Variants in NDUFS4 observed in about 807,000 individuals in gnomAD.
NDUFS4 encodes NADH:ubiquinone oxidoreductase subunit S4.
Under a neutral mutation model 24.3 loss-of-function variants are expected in NDUFS4, and 28 were observed. The observed-to-expected ratio is 1.15, with a 90% confidence interval of 0.85 to 1.58. The LOEUF (loss-of-function observed/expected upper bound fraction) is 1.58, where lower values mean the gene tolerates loss of function less well. Among genes scored for constraint, NDUFS4 ranks in the 40% most tolerant of loss-of-function variants. The pLI, the probability that NDUFS4 is intolerant of heterozygous loss-of-function variation, is 0.00. For synonymous variants in NDUFS4, 93 were observed against 69.7 expected, an observed-to-expected ratio of 1.34 and a Z score of -1.67; for missense variants, 223 against 207.9, an observed-to-expected ratio of 1.07 and a Z score of -0.45.
intron 4 of NDUFS4, among the ~76,000 whole-genome samples, chr5:53,663,855 G>A (rs1207269390): frequency 1.3e-5 from 2 of 152,214 alleles, no homozygotes; most frequent in Non-Finnish European, 2.9e-5. Flanking sequence ...ATTGTTATGT[G>A]TGAATTTGAC....
chr5:53,683,312 C>T lies in NDUFS4; in HGVS notation c.*91C>T, dbSNP rs1740746541. On this transcript the variant is annotated 3_prime_UTR_variant, in exon 5 of 5. Transcript: ENST00000296684. ...GTATAATAAATACATCTCTTAATCT[C>T]CTAATAAATTGGACCTTTAAACTAC... 2.1e-6 allele frequency: 2 copies of T among 935,124 alleles called. No homozygotes were observed. Among genetic ancestry groups the T allele is most frequent in the African/African-American group, 1.6e-5 (1 of 61,294 alleles). 57.9% of individuals were successfully genotyped at this position (935,124 alleles called of 1,614,324 possible). A position where few individuals can be genotyped will look rare whatever the true frequency, so the allele number is the denominator to read the frequency against.
chr5:53,682,717 T>TAA lies in NDUFS4; in HGVS notation c.425-399_425-398dup, dbSNP rs1554062346. ...CCTTTGGAAGAGTTCCAAACTCTTG[T>TAA]AAAGAAACCAACTTTTAGAATAATA... On this transcript the variant is annotated intron_variant, in intron 4 of 4. Transcript: ENST00000296684. Among the ~76,000 whole-genome samples, 6 of 152,162 alleles carry TAA rather than the reference T, an allele frequency of 3.9e-5. No homozygotes were observed. The East Asian group carries it at 1.2e-3, about 29-fold the overall frequency.
chr5:53,681,733 T>TC (rs2111611444), intron 4 of NDUFS4, among the ~76,000 whole-genome samples: 1 of 152,272 alleles, frequency 6.6e-6, no homozygotes, highest in Admixed American at 6.5e-5. Flanking sequence ...TTATTGGACT[T>TC]TCTTTGGAGA....
chr5:53,658,790 A>AAG (rs2112522232), intron 4 of NDUFS4, 166 bp downstream of exon 4: 1 of 575,156 alleles, frequency 1.7e-6, no homozygotes, highest in East Asian at 2.9e-5. Context: ...CCTCCAAAAA[A>AAG]AAAAAAAAAA....
chr5:53,609,447 C>T (rs1225116398), intron 2 of NDUFS4, among the ~76,000 whole-genome samples: 1 of 152,088 alleles, frequency 6.6e-6, no homozygotes. Flanking sequence ...TTTAGTAAAC[C>T]ATGCTGTAAA....
At chr5:53,618,741 CTG>C (rs1276688152) in intron 2 of NDUFS4, among the ~76,000 whole-genome samples, 5 of 152,184 alleles carry the variant, frequency 3.3e-5, no homozygotes, top group East Asian at 3.9e-4. Flanking sequence ...AAATTTGTAA[CTG>C]TATTACTTCA....
chr5:53,682,905 AAAT>A (rs1398968304), intron 4 of NDUFS4, among the ~76,000 whole-genome samples: 1 of 151,254 alleles, frequency 6.6e-6, no homozygotes, highest in Non-Finnish European at 1.5e-5. Flanking sequence ...GAGATATGGT[AAAT>A]AATCTGCAGG....
At chr5:53,631,272 G>T (rs924969681) in intron 2 of NDUFS4, among the ~76,000 whole-genome samples, 3 of 152,142 alleles carry the variant, frequency 2.0e-5, no homozygotes, top group African/African-American at 7.2e-5. Context: ...TCCCATAGAG[G>T]CACCTGCCAG....
chr5:53,645,221 C>A lies in NDUFS4; in HGVS notation c.178-1012C>A, dbSNP rs954472090. Among the ~76,000 whole-genome samples the A allele has an allele frequency of 6.6e-5, 10 of 152,008 alleles. No individual in the cohort carries two copies. In the East Asian group the frequency reaches 7.7e-4, roughly 12 times the overall value. On this transcript the variant is annotated intron_variant, in intron 2 of 4. Transcript: ENST00000296684. ...GCTTCATTAATAAGCATATGGTTGA[C>A]CCCAATGTGATTTACTTTGATCAGA...
rs1377509008 is a variant in NDUFS4, at chr5:53,645,455, C to T, written c.178-778C>T. Among the ~76,000 whole-genome samples, 13 of 152,252 alleles carry T rather than the reference C, an allele frequency of 8.5e-5. No homozygotes were observed. The East Asian group carries it at 2.5e-3, about 29-fold the overall frequency. On this transcript the variant is annotated intron_variant, in intron 2 of 4. Coordinates refer to ENST00000296684, the MANE Select transcript of NDUFS4 (RefSeq NM_002495.4). Reference sequence around the variant, plus strand: ...TTACTAATTTGTGTCCTGACTGCTACTATGTTTTGATAAATGTATCTACTC... The same window carrying T: ...TTACTAATTTGTGTCCTGACTGCTATTATGTTTTGATAAATGTATCTACTC...
chr5:53,625,964 G>A (rs1751208964), intron 2 of NDUFS4, among the ~76,000 whole-genome samples: 1 of 152,110 alleles, frequency 6.6e-6, no homozygotes, highest in Admixed American at 6.5e-5. Flanking sequence ...GTATACATGT[G>A]CCATGCTGGT....
At chr5:53,682,240 A>AGTG (rs1740691165) in intron 4 of NDUFS4, among the ~76,000 whole-genome samples, 1 of 152,154 alleles carries the variant, frequency 6.6e-6, no homozygotes, top group East Asian at 1.9e-4. Flanking sequence ...TAGGAGAACT[A>AGTG]AAGAACAGGA....
intron 1 of NDUFS4, among the ~76,000 whole-genome samples, chr5:53,594,866 CTG>C: frequency 7.9e-6 from 1 of 126,882 alleles, no homozygotes. Flanking sequence ...ATACGTATGT[CTG>C]TGTTTGTGTG....
intron 1 of NDUFS4, among the ~76,000 whole-genome samples, chr5:53,590,637 A>G (rs1398203210): frequency 6.6e-6 from 1 of 152,208 alleles, no homozygotes; most frequent in African/African-American, 2.4e-5. Flanking sequence ...TTATGTACAT[A>G]TGTGAAGAGA....
chr5:53,604,589 A>G (rs1307007576), intron 2 of NDUFS4: 1 of 367,542 alleles, frequency 2.7e-6, no homozygotes, highest in African/African-American at 2.1e-5. Context: ...TAGGATGCCA[A>G]AATAGTCTTT....
intron 4 of NDUFS4, among the ~76,000 whole-genome samples, chr5:53,673,439 G>A (rs1006654108): frequency 1.3e-5 from 2 of 152,046 alleles, no homozygotes; most frequent in Non-Finnish European, 1.5e-5. Flanking sequence ...AATATCAAAA[G>A]TTGTCCGGAG....
At position 53,592,378 on chromosome 5, in the gene NDUFS4, A is replaced by G. The variant is rs555727377; in HGVS notation, c.99-11074A>G. Among the ~76,000 whole-genome samples, 128 of 152,270 alleles carry G rather than the reference A, an allele frequency of 8.4e-4. 2 individuals carry two copies. In the South Asian group the frequency reaches 0.015, roughly 18 times the overall value. On this transcript the variant is annotated intron_variant, in intron 1 of 4. Transcript: ENST00000296684. ...TCTTTTAATATTAATAGTATCTTTC[A>G]CAGAGCTAAAGCTGTTAATTTCAAT...
intron 1 of NDUFS4, among the ~76,000 whole-genome samples, chr5:53,580,665 CTCTT>C (rs149906944): frequency 0.16 from 24,127 of 151,472 alleles, 1,927 homozygotes; most frequent in Middle Eastern, 0.18. Flanking sequence ...TTCTTTCTCT[CTCTT>C]TCTTTCTTTC....
intron 1 of NDUFS4, among the ~76,000 whole-genome samples, chr5:53,576,882 C>A (rs979047664): frequency 1.4e-4 from 22 of 152,132 alleles, no homozygotes; most frequent in African/African-American, 5.3e-4. Context: ...ATTTGTATTT[C>A]TTTTCTAGCT....
Sources: allele counts gnomAD v4.1 joint callset (sites outside exome capture counted in the v4.1 genomes callset), GRCh38; gene constraint gnomAD v4.1.1; transcripts MANE v1.5; gene names NCBI Gene and HGNC (gene_info 2026-07-23, HGNC 2026-07-21).